BAALC: variants seen among roughly 807,000 people sequenced by gnomAD.
The protein encoded by BAALC is brain and acute leukemia cytoplasmic protein.
In BAALC, 9 loss-of-function variants were observed where a neutral mutation model predicts 15.5. The ratio of observed to expected loss-of-function variants is 0.58; its 90% CI spans 0.35 to 1.02. The LOEUF (loss-of-function observed/expected upper bound fraction) is 1.02. BAALC is among the 50% of genes least tolerant of loss of function. The pLI is 0.02. For missense variants in BAALC, 201 were observed against 192.4 expected (o/e 1.04, Z -0.27); for synonymous variants, 80 against 74.6 (o/e 1.07, Z -0.37).
chr8:103,150,944 C>T (rs1810972781), intron 1 of BAALC, among the ~76,000 whole-genome samples: 1 of 152,162 alleles, frequency 6.6e-6, no homozygotes, highest in Non-Finnish European at 1.5e-5. Context: ...GGGCCTCAAC[C>T]TGCTCTCTTC....
At chr8:103,193,221 G>T (rs1812012523) in intron 1 of BAALC, among the ~76,000 whole-genome samples, 1 of 152,226 alleles carries the variant, frequency 6.6e-6, no homozygotes, top group Admixed American at 6.5e-5. Context: ...CCTCTGATAT[G>T]CATGCAGTAA....
intron 1 of BAALC, among the ~76,000 whole-genome samples, chr8:103,187,405 A>G (rs1032470): frequency 0.26 from 39,049 of 152,000 alleles, 5,209 homozygotes; most frequent in East Asian, 0.4. Context: ...AATACTCAGG[A>G]CAGTTCCCTA....
chr8:103,200,104 T>A (rs1812181272), intron 1 of BAALC, among the ~76,000 whole-genome samples: 1 of 152,208 alleles, frequency 6.6e-6, no homozygotes, highest in Non-Finnish European at 1.5e-5. Context: ...TTGTGAATAG[T>A]GCTGCAATGA....
chr8:103,158,654 A>G (rs1365006462), intron 1 of BAALC, among the ~76,000 whole-genome samples: 1 of 151,912 alleles, frequency 6.6e-6, no homozygotes, highest in Non-Finnish European at 1.5e-5. Flanking sequence ...CAGCACGGAT[A>G]CATAGGACAA....
At chr8:103,159,253 C>T (rs1162834976) in intron 1 of BAALC, among the ~76,000 whole-genome samples, 3 of 152,124 alleles carry the variant, frequency 2.0e-5, no homozygotes, top group Admixed American at 6.5e-5. Flanking sequence ...GCTTAGGCCA[C>T]CTGATCTATC....
intron 2 of BAALC, among the ~76,000 whole-genome samples, chr8:103,220,473 T>C (rs1303425538): frequency 6.6e-6 from 1 of 152,216 alleles, no homozygotes; most frequent in Non-Finnish European, 1.5e-5. Context: ...CACACATGTG[T>C]TCATGGTCAA....
intron 1 of BAALC, among the ~76,000 whole-genome samples, chr8:103,179,594 C>T (rs188630263): frequency 1.8e-3 from 274 of 152,310 alleles, no homozygotes; most frequent in African/African-American, 6.3e-3. Context: ...GGAGATGGCT[C>T]GGCTAAAGTC....
chr8:103,153,831 A>G (rs548031470), intron 1 of BAALC, among the ~76,000 whole-genome samples: 2 of 152,310 alleles, frequency 1.3e-5, no homozygotes, highest in South Asian at 4.1e-4. Flanking sequence ...GGGCTTGTGG[A>G]CTTTAGGGCG....
chr8:103,223,170 G>A (rs1263039384), intron 2 of BAALC, among the ~76,000 whole-genome samples: 1 of 152,108 alleles, frequency 6.6e-6, no homozygotes, highest in Non-Finnish European at 1.5e-5. Flanking sequence ...AATTAGCTAG[G>A]TGTGGTGCAC....
intron 1 of BAALC, among the ~76,000 whole-genome samples, chr8:103,143,371 C>A (rs983625445): frequency 1.7e-4 from 26 of 152,248 alleles, no homozygotes; most frequent in African/African-American, 6.3e-4. Flanking sequence ...CCAGTGGCTG[C>A]GTTGTGATAG....
intron 1 of BAALC, among the ~76,000 whole-genome samples, chr8:103,209,044 C>T (rs913711968): frequency 2.0e-5 from 3 of 152,074 alleles, no homozygotes; most frequent in African/African-American, 7.2e-5. Flanking sequence ...AGACCTTTGA[C>T]CCGGGTACCA....
intron 1 of BAALC, among the ~76,000 whole-genome samples, chr8:103,145,159 A>G (rs765193895): frequency 6.6e-6 from 1 of 152,254 alleles, no homozygotes; most frequent in Non-Finnish European, 1.5e-5. Flanking sequence ...CTGATCTCAG[A>G]CAGCACAATT....
intron 1 of BAALC, among the ~76,000 whole-genome samples, chr8:103,204,797 A>G (rs1812293247): frequency 6.6e-6 from 1 of 152,260 alleles, no homozygotes. Flanking sequence ...ATATTATAGT[A>G]TTATACATAG....
rs184049848 is a variant in BAALC, at chr8:103,188,452, C to G, written c.161-24467C>G. Among the ~76,000 whole-genome samples the G allele has an allele frequency of 2.6e-5, 4 of 152,098 alleles. No individual in the cohort carries two copies. The East Asian group carries it at 7.7e-4, about 29-fold the overall frequency. On this transcript the variant is annotated intron_variant, in intron 1 of 2. Coordinates refer to ENST00000309982, the MANE Select transcript of BAALC (RefSeq NM_024812.3). ...AGGATAAGGGACGTTGAGGGACAGGCGGCTGCACATGGCTTAGAAGTTCAG... is the reference window on the plus strand; with the variant it reads ...AGGATAAGGGACGTTGAGGGACAGGGGGCTGCACATGGCTTAGAAGTTCAG...
chr8:103,221,710 G>T (rs1353750821), intron 2 of BAALC, among the ~76,000 whole-genome samples: 2 of 152,136 alleles, frequency 1.3e-5, no homozygotes, highest in African/African-American at 4.8e-5. Flanking sequence ...TAAAATATCT[G>T]GCATTGTGAT....
At chr8:103,211,977 C>T (rs1812455944) in intron 1 of BAALC, among the ~76,000 whole-genome samples, 2 of 152,206 alleles carry the variant, frequency 1.3e-5, no homozygotes, top group South Asian at 2.1e-4. Context: ...TGTCATGCTT[C>T]CTGGGCCACC....
chr8:103,208,230 G>A (rs993699403), intron 1 of BAALC: 5 of 152,194 alleles, frequency 3.3e-5, no homozygotes, highest in African/African-American at 9.7e-5. Context: ...CTTTAGATAT[G>A]GTCTCACTTA....
intron 1 of BAALC, among the ~76,000 whole-genome samples, chr8:103,206,270 G>A (rs1812327178): frequency 6.6e-6 from 1 of 152,072 alleles, no homozygotes; most frequent in Non-Finnish European, 1.5e-5. Context: ...AACCCTGACT[G>A]ATACAGCATC....
intron 1 of BAALC, chr8:103,141,507 C>T (rs1810776496): frequency 6.2e-6 from 1 of 161,004 alleles, no homozygotes; most frequent in South Asian, 2.0e-4. Context: ...CCCTCTCTCC[C>T]TGGATTTATA....
Sources: gnomAD v4.1 joint callset for allele counts (sites outside exome capture counted in the v4.1 genomes callset) on GRCh38, gnomAD v4.1.1 for gene constraint, MANE v1.5 for transcripts, NCBI Gene and HGNC (gene_info 2026-07-23, HGNC 2026-07-21) for gene names.